Variants in SHISA9 observed in about 807,000 individuals in gnomAD.
SHISA9 encodes the protein protein shisa-9.
Under a neutral mutation model 38.0 loss-of-function variants are expected in SHISA9, and 13 were observed. The observed-to-expected ratio is 0.34, with a 90% CI of 0.22 to 0.54. SHISA9 has a LOEUF of 0.54. Ranked by LOEUF, SHISA9 falls within the 20% of genes least tolerant of loss-of-function variation. The probability of loss-of-function intolerance (pLI) is 0.91; values close to 1 mark genes in which losing one functional copy is unlikely to be tolerated. For missense variants in SHISA9, 538 were observed against 575.8 expected (o/e 0.93, Z 0.67); for synonymous variants, 275 against 242.0 (o/e 1.14, Z -1.27).
intron 2 of SHISA9, among the ~76,000 whole-genome samples, chr16:13,057,932 G>A (rs1470894400): frequency 3.3e-5 from 5 of 152,280 alleles, no homozygotes; most frequent in African/African-American, 1.2e-4. Flanking sequence ...TTAGTTTGCT[G>A]AGGATAATGG....
chr16:13,433,817 C>T, the SHISA9 span, among the ~76,000 whole-genome samples: 2 of 152,142 alleles, frequency 1.3e-5, no homozygotes, highest in African/African-American at 4.8e-5. Context: ...GATAGGCAGC[C>T]CTGGTGTGCT....
chr16:13,044,646 G>A lies in SHISA9; in HGVS notation c.691+127831G>A, dbSNP rs904170110. Among the ~76,000 whole-genome samples, 8 of 152,188 alleles carry A rather than the reference G, an allele frequency of 5.3e-5. No homozygotes were observed. The East Asian group carries it at 1.5e-3, about 29-fold the overall frequency. On this transcript the variant is annotated intron_variant, in intron 2 of 4. Coordinates refer to ENST00000558583, the MANE Select transcript of SHISA9 (RefSeq NM_001145204.3). Reference sequence around the variant, plus strand: ...ATGGTTAGTAAGGACAGATGAGGAGGTTGCAGAAGGATCCAGGCAGAGGCT... The same window carrying A: ...ATGGTTAGTAAGGACAGATGAGGAGATTGCAGAAGGATCCAGGCAGAGGCT...
At chr16:13,336,607 T>G in the SHISA9 span, among the ~76,000 whole-genome samples, 1 of 152,190 alleles carries the variant, frequency 6.6e-6, no homozygotes, top group Non-Finnish European at 1.5e-5. Context: ...ATTTGAAAGA[T>G]GAGAAATGTG....
chr16:13,354,764 T>C, the SHISA9 span, among the ~76,000 whole-genome samples: 1,818 of 152,192 alleles, frequency 0.012, 43 homozygotes, highest in African/African-American at 0.041. Context: ...GCGCTAACCA[T>C]GCCTAGGAAG....
chr16:12,961,389 T>C (rs929491010), intron 2 of SHISA9, among the ~76,000 whole-genome samples: 1 of 152,088 alleles, frequency 6.6e-6, no homozygotes, highest in African/African-American at 2.4e-5. Context: ...TGGAAGGAAT[T>C]TGAGCCAGAG....
the SHISA9 span, among the ~76,000 whole-genome samples, chr16:13,400,736 C>T: frequency 2.2e-4 from 33 of 152,298 alleles, no homozygotes; most frequent in African/African-American, 6.3e-4. Flanking sequence ...CTAGTTTATG[C>T]GGACAACCAG....
chr16:12,972,641 G>C (rs1232076677), intron 2 of SHISA9, among the ~76,000 whole-genome samples: 1 of 151,690 alleles, frequency 6.6e-6, no homozygotes, highest in Non-Finnish European at 1.5e-5. Flanking sequence ...TTGACATGCG[G>C]GTAATGCAAC....
At chr16:13,328,375 C>T in the SHISA9 span, among the ~76,000 whole-genome samples, 2 of 151,930 alleles carry the variant, frequency 1.3e-5, no homozygotes. Flanking sequence ...TGAACCTCCC[C>T]ATGTTAGCAA....
intron 2 of SHISA9, among the ~76,000 whole-genome samples, chr16:12,992,071 T>G (rs1356104102): frequency 6.6e-6 from 1 of 152,086 alleles, no homozygotes; most frequent in Non-Finnish European, 1.5e-5. Context: ...ATGAAATAAG[T>G]AATAGTATGG....
intron 2 of SHISA9, among the ~76,000 whole-genome samples, chr16:13,192,842 T>A (rs933483618): frequency 6.6e-6 from 1 of 151,186 alleles, no homozygotes; most frequent in African/African-American, 2.4e-5. Context: ...ACCATTGCAC[T>A]TCAGTCTGGG....
chr16:13,295,073 C>T, the SHISA9 span, among the ~76,000 whole-genome samples: 1 of 152,182 alleles, frequency 6.6e-6, no homozygotes, highest in Non-Finnish European at 1.5e-5. Context: ...TCCGCAATCA[C>T]AGAGCTGAGA....
At chr16:13,026,317 C>G (rs559264850) in intron 2 of SHISA9, among the ~76,000 whole-genome samples, 1 of 152,326 alleles carries the variant, frequency 6.6e-6, no homozygotes, top group Non-Finnish European at 1.5e-5. Flanking sequence ...GAAGTGGAAT[C>G]ATGCAGCATT....
chr16:12,971,917 T>G (rs2072088182), intron 2 of SHISA9, among the ~76,000 whole-genome samples: 1 of 152,136 alleles, frequency 6.6e-6, no homozygotes, highest in Non-Finnish European at 1.5e-5. Context: ...CGGTCTGTCT[T>G]TGCATTGTAG....
At chr16:13,073,480 C>T (rs2073542964) in intron 2 of SHISA9, among the ~76,000 whole-genome samples, 1 of 152,258 alleles carries the variant, frequency 6.6e-6, no homozygotes, top group Non-Finnish European at 1.5e-5. Flanking sequence ...GCATCATCAG[C>T]AGCAGCATCA....
chr16:13,286,777 A>G, the SHISA9 span, among the ~76,000 whole-genome samples: 2 of 152,198 alleles, frequency 1.3e-5, no homozygotes, highest in African/African-American at 2.4e-5. Context: ...CATAAGCCCA[A>G]ATAAACTTCT....
chr16:13,392,286 G>A, the SHISA9 span, among the ~76,000 whole-genome samples: 2 of 152,160 alleles, frequency 1.3e-5, no homozygotes, highest in African/African-American at 4.8e-5. Flanking sequence ...ACTGGAGTGT[G>A]ATGACTTGAC....
the SHISA9 span, among the ~76,000 whole-genome samples, chr16:13,344,273 C>T: frequency 2.6e-5 from 4 of 152,118 alleles, no homozygotes; most frequent in Non-Finnish European, 5.9e-5. Context: ...GAGAACCAGC[C>T]AGTAGGTCTG....
At chr16:13,092,822 C>G (rs1014858403) in intron 2 of SHISA9, among the ~76,000 whole-genome samples, 2 of 152,158 alleles carry the variant, frequency 1.3e-5, no homozygotes, top group African/African-American at 4.8e-5. Flanking sequence ...CCTCCTTGGT[C>G]TCCACCCACT....
the SHISA9 span, among the ~76,000 whole-genome samples, chr16:13,377,540 C>G: frequency 1.3e-5 from 2 of 152,074 alleles, no homozygotes; most frequent in African/African-American, 4.8e-5. Flanking sequence ...CCTATGCCAC[C>G]CATGGATTTT....
Sources: gnomAD v4.1 joint callset for allele counts (sites outside exome capture counted in the v4.1 genomes callset) on GRCh38, gnomAD v4.1.1 for gene constraint, MANE v1.5 for transcripts, NCBI Gene and HGNC (gene_info 2026-07-23, HGNC 2026-07-21) for gene names.